Variants in OR9Q1 observed in about 807,000 individuals in gnomAD.
OR9Q1 encodes the protein olfactory receptor family 9 subfamily Q member 1.
For missense variants in OR9Q1, 374 were observed against 378.8 expected, an observed-to-expected ratio of 0.99 and a Z score of 0.11; for synonymous variants, 153 against 148.6, an observed-to-expected ratio of 1.03 and a Z score of -0.22.
chr11:58,119,276 T>C (rs560806420), intron 2 of OR9Q1: 2 of 1,613,944 alleles, frequency 1.2e-6, no homozygotes, highest in Non-Finnish European at 1.7e-6. Flanking sequence ...TACATTGGGG[T>C]GTAGAGTTTG....
At chr11:58,092,889 T>C (rs967292213) in intron 2 of OR9Q1, among the ~76,000 whole-genome samples, 1 of 152,210 alleles carries the variant, frequency 6.6e-6, no homozygotes, top group Non-Finnish European at 1.5e-5. Flanking sequence ...CAGAGTCATA[T>C]TTTAAAAGCT....
At chr11:58,025,502 T>C (rs549343586) in intron 1 of OR9Q1, among the ~76,000 whole-genome samples, 45 of 152,324 alleles carry the variant, frequency 3.0e-4, no homozygotes, top group African/African-American at 9.9e-4. Flanking sequence ...CCCGGCCTCC[T>C]TTCTCCCTTT....
chr11:58,180,859 T>C lies in OR9Q1; in HGVS notation c.*482T>C, dbSNP rs1484007319. The C allele has an allele frequency of 6.0e-6, 1 of 167,664 alleles. No individual in the cohort carries two copies. Among genetic ancestry groups the C allele is most frequent in the Non-Finnish European group, 1.5e-5 (1 of 68,654 alleles). 10.4% of individuals were successfully genotyped at this position (167,664 alleles called of 1,614,324 possible). A position where few individuals can be genotyped will look rare whatever the true frequency, so the allele number is the denominator to read the frequency against. ...CAATTCACTCATCAAACCACCTTTT[T>C]TTGATTCATTTCAAGGTGAGTTCCG... On this transcript the variant is annotated 3_prime_UTR_variant, in exon 3 of 3. Coordinates refer to ENST00000335397, the MANE Select transcript of OR9Q1 (RefSeq NM_001005212.4).
chr11:58,055,587 C>T (rs7120369), intron 1 of OR9Q1, among the ~76,000 whole-genome samples: 141,267 of 152,062 alleles, frequency 0.93, 65,828 homozygotes, highest in South Asian at 0.97. Context: ...TCACTTGAGA[C>T]CAGGAGTTTG....
intron 1 of OR9Q1, chr11:58,031,980 A>C (rs1259687126): frequency 7.3e-6 from 6 of 824,562 alleles, no homozygotes; most frequent in Non-Finnish European, 1.2e-5. Flanking sequence ...TTAAGCTGAG[A>C]CCAAATCAAG....
intron 1 of OR9Q1, among the ~76,000 whole-genome samples, chr11:58,045,698 A>G (rs1240553318): frequency 6.6e-6 from 1 of 152,196 alleles, no homozygotes; most frequent in Non-Finnish European, 1.5e-5. Context: ...AGGCTCATCA[A>G]ATCCCTTTGT....
At chr11:58,097,923 C>G (rs1853747051) in intron 2 of OR9Q1, among the ~76,000 whole-genome samples, 1 of 152,116 alleles carries the variant, frequency 6.6e-6, no homozygotes, top group Admixed American at 6.6e-5. Context: ...TGACACAAAG[C>G]AGATAAGCGT....
intron 1 of OR9Q1, among the ~76,000 whole-genome samples, chr11:58,050,841 T>A (rs1853267654): frequency 4.8e-5 from 1 of 20,668 alleles, no homozygotes; most frequent in Non-Finnish European, 9.1e-5. Context: ...AAAAAACACA[T>A]GAAAAAATGC....
chr11:58,057,520 C>T (rs1297694770), intron 2 of OR9Q1, among the ~76,000 whole-genome samples: 2 of 152,206 alleles, frequency 1.3e-5, no homozygotes, highest in African/African-American at 4.8e-5. Context: ...ACCTCCCTTC[C>T]CTTCCTGTCC....
chr11:58,110,587 G>A (rs1323079462), intron 2 of OR9Q1, among the ~76,000 whole-genome samples: 1 of 152,144 alleles, frequency 6.6e-6, no homozygotes, highest in African/African-American at 2.4e-5. Flanking sequence ...AGGAAGTTAA[G>A]GTGACTTGTC....
At chr11:58,093,262 T>G (rs572812297) in intron 2 of OR9Q1, among the ~76,000 whole-genome samples, 2 of 152,192 alleles carry the variant, frequency 1.3e-5, no homozygotes, top group African/African-American at 2.4e-5. Context: ...TTACAAACTA[T>G]GCATCTGACA....
At chr11:58,084,051 T>C (rs1328965005) in intron 2 of OR9Q1, among the ~76,000 whole-genome samples, 2 of 151,956 alleles carry the variant, frequency 1.3e-5, no homozygotes, top group East Asian at 3.8e-4. Flanking sequence ...CTTTGGGCTG[T>C]ATGGCCACTT....
chr11:58,146,111 T>A (rs1024631683), intron 2 of OR9Q1, among the ~76,000 whole-genome samples: 1 of 152,226 alleles, frequency 6.6e-6, no homozygotes, highest in Non-Finnish European at 1.5e-5. Flanking sequence ...GATCTTGATG[T>A]AGGGCTGAAG....
chr11:58,074,405 T>C (rs1348397979), intron 2 of OR9Q1, among the ~76,000 whole-genome samples: 1 of 152,226 alleles, frequency 6.6e-6, no homozygotes, highest in African/African-American at 2.4e-5. Flanking sequence ...CATAAATATC[T>C]TCTTTTGAGA....
At chr11:58,055,718 T>G (rs909034940) in intron 1 of OR9Q1, among the ~76,000 whole-genome samples, 152 bp from the exon 2 acceptor site, 10 of 149,018 alleles carry the variant, frequency 6.7e-5, no homozygotes, top group African/African-American at 2.5e-4. Context: ...GAGGATTGCC[T>G]GAGCCTGGGA....
intron 2 of OR9Q1, among the ~76,000 whole-genome samples, chr11:58,159,107 T>C (rs181221354): frequency 4.6e-5 from 7 of 152,282 alleles, no homozygotes; most frequent in Admixed American, 2.6e-4. Context: ...AAATCAGATG[T>C]ATCAGGACTA....
intron 2 of OR9Q1, among the ~76,000 whole-genome samples, chr11:58,065,904 A>C (rs1475174694): frequency 6.6e-6 from 1 of 152,182 alleles, no homozygotes; most frequent in Non-Finnish European, 1.5e-5. Flanking sequence ...TTGAAGACAC[A>C]CAGCCTAGTG....
chr11:58,124,793 T>C (rs2441966), intron 2 of OR9Q1, among the ~76,000 whole-genome samples: 26,654 of 152,144 alleles, frequency 0.18, 4,161 homozygotes, highest in African/African-American at 0.39. Flanking sequence ...GTTGGAGTGT[T>C]GAATCAACAC....
Position 58,179,739 on chromosome 11 carries a change from G to T in OR9Q1, c.295G>T (p.Ala99Ser), listed in dbSNP as rs1327681760. 6.2e-7 allele frequency: 1 copy of T among 1,614,198 alleles called. No homozygotes were observed. ...GAALSYTRCA[A>S]QFFLFTFFGS... Reference sequence around the variant, plus strand: ...AGCTTTATCTTACACACGCTGTGCTGCTCAGTTCTTTCTGTTCACCTTCTT... The same window carrying T: ...AGCTTTATCTTACACACGCTGTGCTTCTCAGTTCTTTCTGTTCACCTTCTT... The change falls in exon 3 of 3, where the codon GCT becomes TCT. Residue 99 changes from alanine to serine, a missense_variant. Physicochemically the swap from Ala to Ser is moderately conservative, Grantham distance 99. Transcript: ENST00000335397.
Sources: allele counts gnomAD v4.1 joint callset (sites outside exome capture counted in the v4.1 genomes callset), GRCh38; gene constraint gnomAD v4.1.1; transcripts MANE v1.5; gene names NCBI Gene and HGNC (gene_info 2026-07-23, HGNC 2026-07-21).